Variants in OR7G2 observed in about 807,000 individuals in gnomAD.
OR7G2 encodes the protein olfactory receptor family 7 subfamily G member 2, also known as olfactory receptor 7G2.
For synonymous variants in OR7G2, 153 were observed against 152.2 expected, an observed-to-expected ratio of 1.01 and a Z score of -0.04; for missense variants, 362 against 384.0, an observed-to-expected ratio of 0.94 and a Z score of 0.48.
chr19:9,103,193 C>T lies in OR7G2; in HGVS notation c.51G>A (p.Leu17=), dbSNP rs141362700. ...TAISKFLLLG[L]IEDPELQPVL... ...CGGGCTGCAGTTCCGGATCCTCTAT[C>T]AGTCCCAGGAGAAGGAATTTTGAAA... is the stretch of plus-strand genomic sequence containing the variant. The change falls in exon 2 of 2, where the codon CTG becomes CTA. Residue 17 remains leucine, a synonymous_variant. Coordinates refer to ENST00000641081, the MANE Select transcript of OR7G2 (RefSeq NM_001005193.2). 2 of 1,614,004 alleles carry T rather than the reference C, an allele frequency of 1.2e-6. No homozygotes were observed. The highest frequency in any genetic ancestry group is 1.7e-6 in the Non-Finnish European group (2 of 1,180,026).
In OR7G2 at chr19:9,101,799, T is replaced by C. The variant is rs1033626043; in HGVS notation, c.*470A>G. On this transcript the variant is annotated 3_prime_UTR_variant, in exon 2 of 2. Coordinates refer to ENST00000641081, the MANE Select transcript of OR7G2 (RefSeq NM_001005193.2). Reference sequence around the variant, plus strand: ...TTGAGTCTAGAGAATTAAAATCACATGTCCATCATCACAGATCCAGACATA... The same window carrying C: ...TTGAGTCTAGAGAATTAAAATCACACGTCCATCATCACAGATCCAGACATA... 2 of 154,794 alleles carry C rather than the reference T, an allele frequency of 1.3e-5. No individual in the cohort carries two copies. The highest frequency in any genetic ancestry group is 4.8e-5 in the African/African-American group (2 of 41,470). The allele number at this position is 154,794 out of a possible 1,614,324, so 9.6% of individuals were successfully genotyped here.
At position 9,102,286 on chromosome 19, in the gene OR7G2, A is replaced by G. The variant is rs756934826; in HGVS notation, c.958T>C (p.Phe320Leu). 3.7e-6 allele frequency: 6 copies of G among 1,603,950 alleles called. No homozygotes were observed. In the African/African-American group the frequency reaches 8.0e-5, roughly 22 times the overall value. ...ACTTTGACTTACTCTAGAAACCTGA[A>G]TCCAAAGCAAATGGCACACCACAGA... ...SLLWCAICFG[F>L]RFLE Residue 320 changes from phenylalanine (F) to leucine (L), a missense_variant, in exon 2 of 2, where the codon TTC (phenylalanine) becomes CTC (leucine). Phe to Leu is a conservative substitution (Grantham distance 22). Coordinates refer to ENST00000641081, the MANE Select transcript of OR7G2 (RefSeq NM_001005193.2).
At chr19:9,106,934 G>A (rs1200693384) in intron 1 of OR7G2, among the ~76,000 whole-genome samples, 1 of 152,008 alleles carries the variant, frequency 6.6e-6, no homozygotes, top group African/African-American at 2.4e-5. Context: ...GCCAGGCACT[G>A]TGGCTCACAT....
At chr19:9,103,356 T>G in intron 1 of OR7G2, 97 bp from the exon 2 acceptor site, 1 of 1,201,334 alleles carries the variant, frequency 8.3e-7, no homozygotes, top group Non-Finnish European at 1.2e-6. Context: ...TCCCCAGACT[T>G]CTTGCTGATA....
chr19:9,107,138 G>A (rs939037751), intron 1 of OR7G2, among the ~76,000 whole-genome samples, 176 bp downstream of exon 1: 1 of 152,146 alleles, frequency 6.6e-6, no homozygotes, highest in Non-Finnish European at 1.5e-5. Flanking sequence ...AGGAATTCAA[G>A]ACTGCAGTGA....
intron 1 of OR7G2, among the ~76,000 whole-genome samples, chr19:9,106,409 A>T (rs1227962734): frequency 6.8e-6 from 1 of 147,572 alleles, no homozygotes; most frequent in Non-Finnish European, 1.5e-5. Context: ...TGGGTGACAG[A>T]GGGAGACTGT....
At chr19:9,104,511 A>T (rs911531705) in intron 1 of OR7G2, among the ~76,000 whole-genome samples, 1 of 152,168 alleles carries the variant, frequency 6.6e-6, no homozygotes, top group Admixed American at 6.6e-5. Flanking sequence ...TTTAAAAATG[A>T]TAAAACTTGA....
At chr19:9,103,501 CTTTTTT>C (rs201971532) in intron 1 of OR7G2, among the ~76,000 whole-genome samples, 6 of 119,084 alleles carry the variant, frequency 5.0e-5, no homozygotes, top group African/African-American at 1.8e-4. Flanking sequence ...ATGTGGAAAT[CTTTTTT>C]TTTTTTTTTT....
At chr19:9,104,126 A>G (rs2050372750) in intron 1 of OR7G2, among the ~76,000 whole-genome samples, 1 of 152,094 alleles carries the variant, frequency 6.6e-6, no homozygotes, top group Admixed American at 6.6e-5. Context: ...ACTTCAAGTG[A>G]TCCGCCTGCC....
At chr19:9,105,332 C>T (rs775818573) in intron 1 of OR7G2, among the ~76,000 whole-genome samples, 3 of 152,030 alleles carry the variant, frequency 2.0e-5, no homozygotes, top group East Asian at 1.9e-4. Context: ...TCTTCTTCTA[C>T]GTGCTGAGAA....
chr19:9,105,386 T>C (rs1270853058), intron 1 of OR7G2, among the ~76,000 whole-genome samples: 1 of 152,166 alleles, frequency 6.6e-6, no homozygotes, highest in Non-Finnish European at 1.5e-5. Flanking sequence ...AAAAAACTTA[T>C]CCACCACTAT....
At chr19:9,104,130 G>A (rs528345420) in intron 1 of OR7G2, among the ~76,000 whole-genome samples, 3 of 151,870 alleles carry the variant, frequency 2.0e-5, no homozygotes, top group South Asian at 4.2e-4. Flanking sequence ...CAAGTGATCC[G>A]CCTGCCTCAG....
Position 9,101,984 on chromosome 19 carries a change from C to G in OR7G2, c.*285G>C, listed in dbSNP as rs1340972799. On this transcript the variant is annotated 3_prime_UTR_variant, in exon 2 of 2. Transcript: ENST00000641081. ...TTGGGAGGCCGAGGCGGGTGGATCA[C>G]CTGACGTCAGGAGTTTGAGACCAGC... 3.6e-6 allele frequency: 1 copy of G among 278,430 alleles called. No homozygotes were observed. Among genetic ancestry groups the G allele is most frequent in the East Asian group, 6.9e-5 (1 of 14,438 alleles). The allele number at this position is 278,430 out of a possible 1,614,324, so 17.2% of individuals were successfully genotyped here. A position where few individuals can be genotyped will look rare whatever the true frequency, so the allele number is the denominator to read the frequency against.
rs562825356 is a variant in OR7G2, at chr19:9,105,233, G to T, written c.-16-1974C>A. 3.0e-3 allele frequency among the ~76,000 whole-genome samples: 453 copies of T among 152,120 alleles called. 3 individuals are homozygous for T. The highest frequency in any genetic ancestry group is 0.01 in the African/African-American group (419 of 41,522). The stretch of plus-strand genomic sequence containing the variant: ...TCCACCTGCCTCGGCCTCCCAAAGT[G>T]CTGGGATTACAGGTGTGAGCCACTG... On this transcript the variant is annotated intron_variant, in intron 1 of 1. Coordinates refer to ENST00000641081, the MANE Select transcript of OR7G2 (RefSeq NM_001005193.2).
At position 9,100,455 on chromosome 19, in the gene OR7G2, A is replaced by C. The variant is rs1286270428; in HGVS notation, c.*1814T>G. The C allele has an allele frequency of 1.3e-5, 2 of 152,054 alleles. No individual in the cohort carries two copies. Among genetic ancestry groups the C allele is most frequent in the Non-Finnish European group, 2.9e-5 (2 of 68,064 alleles). 9.4% of individuals were successfully genotyped at this position (152,054 alleles called of 1,614,324 possible). Reference sequence around the variant, plus strand: ...CACCACGTGGGCCAGGCCAGTTTTGAACTCCTGACCTCAAGTGATCCACCC... The same window carrying C: ...CACCACGTGGGCCAGGCCAGTTTTGCACTCCTGACCTCAAGTGATCCACCC... On this transcript the variant is annotated 3_prime_UTR_variant, in exon 2 of 2. Transcript: ENST00000641081.
At position 9,102,597 on chromosome 19, in the gene OR7G2, A is replaced by C. The variant is rs1443881553; in HGVS notation, c.647T>G (p.Leu216Trp). ...FGGVPLSGII[L>W]SYTQITSCVL... is the part of the protein sequence containing the mutation. ...ACAGGAGGTGATCTGAGTGTAAGACAAAATGATTCCAGACAGAGGAACACC... is the reference window on the plus strand; with the variant it reads ...ACAGGAGGTGATCTGAGTGTAAGACCAAATGATTCCAGACAGAGGAACACC... Residue 216 changes from leucine to tryptophan, a missense_variant, in exon 2 of 2, where the codon TTG becomes TGG. Transcript: ENST00000641081. The C allele has an allele frequency of 6.2e-7, 1 of 1,614,208 alleles. No homozygotes were observed.
rs958007459 is a variant in OR7G2, at chr19:9,101,528, A to G, written c.*741T>C. The G allele has an allele frequency of 2.0e-5, 3 of 152,010 alleles. No individual in the cohort carries two copies. Among genetic ancestry groups the G allele is most frequent in the Admixed American group, 6.6e-5 (1 of 15,264 alleles). The allele number at this position is 152,010 out of a possible 1,614,324, so 9.4% of individuals were successfully genotyped here. Reference sequence around the variant, plus strand: ...TCAGGAGATCGAGACCACCCTGGCCAGCATGATGAAACCTCACCTCTACTA... The same window carrying G: ...TCAGGAGATCGAGACCACCCTGGCCGGCATGATGAAACCTCACCTCTACTA... On this transcript the variant is annotated 3_prime_UTR_variant, in exon 2 of 2. Coordinates refer to ENST00000641081, the MANE Select transcript of OR7G2 (RefSeq NM_001005193.2).
rs1365905892 is a variant in OR7G2, at chr19:9,101,662, C to A, written c.*607G>T. 1 of 152,356 alleles carries A rather than the reference C, an allele frequency of 6.6e-6. No individual in the cohort carries two copies. The allele number at this position is 152,356 out of a possible 1,614,324, so 9.4% of individuals were successfully genotyped here. On this transcript the variant is annotated 3_prime_UTR_variant, in exon 2 of 2. Transcript: ENST00000641081. ...CCTGGGAGGCAGAGATTACAGTGAGCCGAGATCACACCACTGCACTCCAGC... is the reference window on the plus strand; with the variant it reads ...CCTGGGAGGCAGAGATTACAGTGAGACGAGATCACACCACTGCACTCCAGC...
At chr19:9,104,083 C>T (rs2050372383) in intron 1 of OR7G2, among the ~76,000 whole-genome samples, 1 of 151,904 alleles carries the variant, frequency 6.6e-6, no homozygotes, top group African/African-American at 2.4e-5. Context: ...GACAGGGTCT[C>T]ACCATGTAGG....
Sources: allele counts gnomAD v4.1 joint callset (sites outside exome capture counted in the v4.1 genomes callset), GRCh38; gene constraint gnomAD v4.1.1; transcripts MANE v1.5; gene names NCBI Gene and HGNC (gene_info 2026-07-23, HGNC 2026-07-21).